VGLL4: variants seen among roughly 807,000 people sequenced by gnomAD.
The protein encoded by VGLL4 is transcription cofactor vestigial-like protein 4.
A neutral mutation model predicts 21.0 loss-of-function variants in VGLL4; 7 were observed. The ratio of observed to expected loss-of-function variants is 0.33; its 90% CI spans 0.19 to 0.63. The LOEUF is 0.63. VGLL4 is among the 20% of genes least tolerant of loss of function. The pLI is 0.78. For missense variants in VGLL4, 394 were observed against 425.7 expected, an observed-to-expected ratio of 0.93 and a Z score of 0.66; for synonymous variants, 222 against 173.2, an observed-to-expected ratio of 1.28 and a Z score of -2.21.
At chr3:11,567,137 A>C (rs941453016) in intron 2 of VGLL4, among the ~76,000 whole-genome samples, 2 of 152,176 alleles carry the variant, frequency 1.3e-5, no homozygotes, top group African/African-American at 4.8e-5. Flanking sequence ...CATCTCCAGC[A>C]GGGGCACGCG....
At chr3:11,629,814 G>GA (rs1173860852) in intron 1 of VGLL4, among the ~76,000 whole-genome samples, 4 of 150,574 alleles carry the variant, frequency 2.7e-5, no homozygotes, top group African/African-American at 9.8e-5. Flanking sequence ...CCAAATGGGA[G>GA]AAAAAACTCA....
At position 11,556,898 on chromosome 3, in the gene VGLL4, TCCACTTTTCAAAGGCCTGCAG is replaced by T. The variant is rs1242519746; in HGVS notation, c.*1637_*1657del. 1 of 152,774 alleles carries T rather than the reference TCCACTTTTCAAAGGCCTGCAG, an allele frequency of 6.5e-6. No individual in the cohort carries two copies. The highest frequency in any genetic ancestry group is 2.4e-5 in the African/African-American group (1 of 41,448). 9.5% of individuals were successfully genotyped at this position (152,774 alleles called of 1,614,324 possible). On this transcript the variant is annotated 3_prime_UTR_variant, in exon 5 of 5. Transcript: ENST00000430365. ...GGCAAGGAGAAGGGCTTTTCTTTCCTCCACTTTTCAAAGGCCTGCAGCCACTCTGTGACTACAAGAGCCAGT... is the reference window on the plus strand; with the variant it reads ...GGCAAGGAGAAGGGCTTTTCTTTCCTCCACTCTGTGACTACAAGAGCCAGT...
chr3:11,692,047 A>G (rs2076534124), intron 2 of VGLL4, among the ~76,000 whole-genome samples: 4 of 152,174 alleles, frequency 2.6e-5, no homozygotes, highest in South Asian at 2.1e-4. Flanking sequence ...GTTAAATTCA[A>G]TTGCAAATGA....
intron 2 of VGLL4, among the ~76,000 whole-genome samples, chr3:11,669,015 G>C (rs1205286145): frequency 6.6e-6 from 1 of 152,234 alleles, no homozygotes; most frequent in Admixed American, 6.5e-5. Context: ...ACACAGCAAA[G>C]GCTGCATCCC....
intron 1 of VGLL4, among the ~76,000 whole-genome samples, chr3:11,624,602 A>G (rs2075320060): frequency 6.6e-6 from 1 of 152,032 alleles, no homozygotes; most frequent in Non-Finnish European, 1.5e-5. Context: ...GTTTCCCCAT[A>G]TGGAAAATAG....
intron 2 of VGLL4, among the ~76,000 whole-genome samples, chr3:11,596,331 T>A (rs1019809008): frequency 1.3e-5 from 2 of 152,212 alleles, no homozygotes; most frequent in Non-Finnish European, 2.9e-5. Flanking sequence ...TTCAAATTCA[T>A]CCTGTGACTA....
intron 2 of VGLL4, among the ~76,000 whole-genome samples, chr3:11,658,462 G>A (rs540322653): frequency 4.7e-4 from 72 of 151,854 alleles, no homozygotes; most frequent in Middle Eastern, 3.4e-3. Flanking sequence ...CCTGTAAAAC[G>A]GAAGCCTTCT....
At chr3:11,582,166 A>T in intron 2 of VGLL4, 1 of 1,204,218 alleles carries the variant, frequency 8.3e-7, no homozygotes, top group Non-Finnish European at 1.2e-6. Context: ...AGACTACTCT[A>T]CCTCTCCCAG....
intron 3 of VGLL4, among the ~76,000 whole-genome samples, chr3:11,563,479 C>T (rs1410813718): frequency 6.6e-6 from 1 of 152,238 alleles, no homozygotes; most frequent in Non-Finnish European, 1.5e-5. Flanking sequence ...ACAATCCTCT[C>T]TTCTCATGTC....
intron 2 of VGLL4, among the ~76,000 whole-genome samples, chr3:11,699,849 A>T (rs1203124831): frequency 6.6e-6 from 1 of 152,156 alleles, no homozygotes; most frequent in Non-Finnish European, 1.5e-5. Context: ...TAAAGTCTAC[A>T]GTCTATTTTC....
At chr3:11,673,211 A>T (rs1331249153) in intron 2 of VGLL4, among the ~76,000 whole-genome samples, 3 of 152,206 alleles carry the variant, frequency 2.0e-5, no homozygotes, top group Non-Finnish European at 4.4e-5. Context: ...AGAAAAGCAA[A>T]TCAGAGGACA....
intron 2 of VGLL4, among the ~76,000 whole-genome samples, chr3:11,665,777 A>G (rs2076114430): frequency 6.6e-6 from 1 of 152,258 alleles, no homozygotes; most frequent in Non-Finnish European, 1.5e-5. Flanking sequence ...AAATGAGACA[A>G]AACTCCCTCT....
chr3:11,713,887 C>T (rs2076883955), intron 1 of VGLL4, among the ~76,000 whole-genome samples: 1 of 152,090 alleles, frequency 6.6e-6, no homozygotes, highest in Non-Finnish European at 1.5e-5. Flanking sequence ...TGAATGAATG[C>T]TCTGCTCAAC....
At chr3:11,589,564 A>C (rs1394090814) in intron 2 of VGLL4, among the ~76,000 whole-genome samples, 1 of 152,234 alleles carries the variant, frequency 6.6e-6, no homozygotes, top group African/African-American at 2.4e-5. Context: ...AGTATGCTCC[A>C]AGGAATATTA....
In VGLL4 at chr3:11,565,005, T is replaced by C; in HGVS notation, c.287A>G (p.Asn96Ser). 1.1e-5 allele frequency: 16 copies of C among 1,494,264 alleles called. No individual in the cohort carries two copies. The highest frequency in any genetic ancestry group is 1.2e-5 in the Non-Finnish European group (14 of 1,123,702). 92.6% of individuals were successfully genotyped at this position (1,494,264 alleles called of 1,614,324 possible). A position where few individuals can be genotyped will look rare whatever the true frequency, so the allele number is the denominator to read the frequency against. ...IFNPHLNKTA[N>S]GDCRRDPRER... ...CCGGGGGTCTCTGCGGCAGTCTCCA[T>C]TGGCAGTCTTGTTCCTGAAAAAGAG... Residue 96 changes from asparagine to serine, a missense_variant, in exon 3 of 5, where the codon AAT becomes AGT. Physicochemically the swap from Asn to Ser is conservative, Grantham distance 46. Transcript: ENST00000430365. The surrounding 1 kb of genome is among the most constrained non-coding windows in gnomAD (Gnocchi z 4.1).
chr3:11,591,581 A>C (rs144520395), intron 2 of VGLL4, among the ~76,000 whole-genome samples: 1 of 152,378 alleles, frequency 6.6e-6, no homozygotes, highest in East Asian at 1.9e-4. Context: ...TGCTCGGATA[A>C]GGAGGCCTTT....
chr3:11,717,661 G>A (rs963247281), intron 1 of VGLL4, among the ~76,000 whole-genome samples: 3 of 151,944 alleles, frequency 2.0e-5, no homozygotes, highest in African/African-American at 7.3e-5. Flanking sequence ...AAAAGTGAAA[G>A]TTTTTACATA....
chr3:11,611,789 G>A (rs1266500644), intron 1 of VGLL4: 7 of 152,118 alleles, frequency 4.6e-5, no homozygotes, highest in Admixed American at 3.3e-4. Context: ...CTGCCCCTCT[G>A]ACTTGGTGAT....
chr3:11,605,038 C>T (rs1452993145), intron 1 of VGLL4, among the ~76,000 whole-genome samples: 3 of 117,694 alleles, frequency 2.5e-5, no homozygotes, highest in African/African-American at 3.1e-5. Context: ...TTCCATCGCC[C>T]GCCACGCCCC....
Sources: gnomAD v4.1 joint callset for allele counts (sites outside exome capture counted in the v4.1 genomes callset) on GRCh38, gnomAD v4.1.1 for gene constraint, Gnocchi (gnomAD v3.1) non-coding constraint, MANE v1.5 for transcripts, NCBI Gene and HGNC (gene_info 2026-07-23, HGNC 2026-07-21) for gene names.